The following FCRL6 variants were observed in gnomAD, a reference collection of about 807,000 sequenced individuals.
FCRL6 encodes the protein Fc receptor like 6.
FCRL6 carries 50 observed loss-of-function variants against 49.1 expected under a neutral mutation model. The observed-to-expected ratio is 1.02, with a 90% CI of 0.81 to 1.29. The LOEUF is 1.29. Among genes scored for constraint, FCRL6 ranks in the 50% most tolerant of loss-of-function variants. The pLI is 0.00. For missense variants in FCRL6, 571 were observed against 518.5 expected (o/e 1.10, Z -0.98); for synonymous variants, 213 against 199.6 (o/e 1.07, Z -0.57).
chr1:159,805,296 C>T (rs1662603519), intron 1 of FCRL6, among the ~76,000 whole-genome samples: 1 of 152,280 alleles, frequency 6.6e-6, no homozygotes, highest in South Asian at 2.1e-4. Flanking sequence ...AAAGATGATA[C>T]CATGTGACAG....
chr1:159,809,989 C>T (rs537673274), intron 5 of FCRL6, 105 bp from the exon 6 acceptor site: 21 of 1,392,024 alleles, frequency 1.5e-5, no homozygotes, highest in African/African-American at 4.3e-5. Context: ...CCAGGCCAGA[C>T]GGTTCCCCTA....
rs1463781812 is a variant in FCRL6, at chr1:159,816,226, G to A, written c.*565G>A. On this transcript the variant is annotated 3_prime_UTR_variant, in exon 10 of 10. Coordinates refer to ENST00000368106, the MANE Select transcript of FCRL6 (RefSeq NM_001004310.3). ...TGTACAGTACACTATACTTGATAATGATAATAAACAACTATGTTACTGGTT... is the reference window on the plus strand; with the variant it reads ...TGTACAGTACACTATACTTGATAATAATAATAAACAACTATGTTACTGGTT... 1 of 152,674 alleles carries A rather than the reference G, an allele frequency of 6.5e-6. No homozygotes were observed. The highest frequency in any genetic ancestry group is 1.5e-5 in the Non-Finnish European group (1 of 68,414). 9.5% of individuals were successfully genotyped at this position (152,674 alleles called of 1,614,324 possible).
intron 2 of FCRL6, 67 bp downstream of exon 2, chr1:159,806,683 C>G: frequency 6.6e-7 from 1 of 1,508,366 alleles, no homozygotes; most frequent in Non-Finnish European, 9.2e-7. Flanking sequence ...TGGATGGGAA[C>G]AGGACAGTGC....
intron 1 of FCRL6, among the ~76,000 whole-genome samples, chr1:159,806,304 G>A (rs1662671669): frequency 6.6e-6 from 1 of 152,220 alleles, no homozygotes; most frequent in African/African-American, 2.4e-5. Flanking sequence ...AAGAGTTCTA[G>A]GGAGTACGTC....
chr1:159,808,744 T>A (rs1377264094), intron 3 of FCRL6: 12 of 612,924 alleles, frequency 2.0e-5, no homozygotes, highest in East Asian at 5.5e-5. Flanking sequence ...GAAGGCCCCC[T>A]CTGCCTCTGA....
intron 8 of FCRL6, among the ~76,000 whole-genome samples, chr1:159,814,743 A>G (rs1323973322): frequency 6.6e-6 from 1 of 152,206 alleles, no homozygotes; most frequent in Non-Finnish European, 1.5e-5. Context: ...AGTCAAGAAG[A>G]CCATGGGCTC....
chr1:159,809,882 C>A (rs562875462), intron 5 of FCRL6, among the ~76,000 whole-genome samples, 199 bp downstream of exon 5: 1 of 152,252 alleles, frequency 6.6e-6, no homozygotes, highest in African/African-American at 2.4e-5. Flanking sequence ...GAGTGGGGAG[C>A]CTCACGGGGG....
rs769250464 is a variant in FCRL6, at chr1:159,809,082, C to G, written c.441C>G (p.Phe147Leu). ...TGAGGTCAGCCTTGAGGCTCCTTTT[C>G]TCCTTCCACAAGGACGGCCACACCT... ...HPLRSALRLL[F>L]SFHKDGHTLQ... Residue 147 changes from phenylalanine (F) to leucine (L), a missense_variant, in exon 4 of 10, where the codon TTC becomes TTG. By Grantham distance (22) the Phe-to-Leu change is conservative. Transcript: ENST00000368106. 1.2e-6 allele frequency: 2 copies of G among 1,614,114 alleles called. No homozygotes were observed. The highest frequency in any genetic ancestry group is 1.7e-6 in the Non-Finnish European group (2 of 1,179,992).
chr1:159,803,226 C>T (rs913719137), intron 1 of FCRL6, among the ~76,000 whole-genome samples: 1 of 152,130 alleles, frequency 6.6e-6, no homozygotes, highest in African/African-American at 2.4e-5. Flanking sequence ...CACTGGGCTC[C>T]CCCAGACCCA....
At chr1:159,814,050 G>T (rs1571114492) in intron 7 of FCRL6, among the ~76,000 whole-genome samples, 171 bp from the exon 8 acceptor site, 1 of 152,046 alleles carries the variant, frequency 6.6e-6, no homozygotes, top group African/African-American at 2.4e-5. Context: ...ATGTTAAGGG[G>T]GCCTGACTCC....
chr1:159,809,389 A>G lies in FCRL6; in HGVS notation c.605-13A>G. 2 of 1,578,214 alleles carry G rather than the reference A, an allele frequency of 1.3e-6. No homozygotes were observed. The highest frequency in any genetic ancestry group is 1.7e-6 in the Non-Finnish European group (2 of 1,160,076). Reference sequence around the variant, plus strand: ...GTGGTCAGGCTGAGCCTCCCACCCCATGTGTGTCCCAGCTCCTGTATCCCG... The same window carrying G: ...GTGGTCAGGCTGAGCCTCCCACCCCGTGTGTGTCCCAGCTCCTGTATCCCG... On this transcript the variant is annotated splice_polypyrimidine_tract_variant and intron_variant, in intron 4 of 9. Coordinates refer to ENST00000368106, the MANE Select transcript of FCRL6 (RefSeq NM_001004310.3).
chr1:159,809,243 A>G lies in FCRL6; in HGVS notation c.602A>G (p.Gln201Arg). ...KQSPQLEVRV[Q>R]APVSRPVLTL... ...AGCCCCCAGCTGGAGGTCAGAGTGC[A>G]GGGTAAGTGCGCGAGAGAGTGGAGA... Residue 201 changes from glutamine to arginine, a missense_variant and splice_region_variant, in exon 4 of 10, where the codon CAG becomes CGG. Transcript: ENST00000368106. The G allele has an allele frequency of 6.4e-7, 1 of 1,559,174 alleles. No individual in the cohort carries two copies. The highest frequency in any genetic ancestry group is 8.7e-7 in the Non-Finnish European group (1 of 1,155,542).
chr1:159,814,216 T>C lies in FCRL6; in HGVS notation c.1076-5T>C. The C allele has an allele frequency of 1.9e-6, 3 of 1,613,624 alleles. No homozygotes were observed. The highest frequency in any genetic ancestry group is 1.7e-6 in the Non-Finnish European group (2 of 1,179,600). On this transcript the variant is annotated splice_polypyrimidine_tract_variant and splice_region_variant and intron_variant, in intron 7 of 9. Transcript: ENST00000368106. ...ATCCTATTTAAGCCTCATTCCTTCTTCCAGTGCATCACCAGAAAGGGAAAG... is the reference window on the plus strand; with the variant it reads ...ATCCTATTTAAGCCTCATTCCTTCTCCCAGTGCATCACCAGAAAGGGAAAG...
At chr1:159,805,261 C>A (rs1557871248) in intron 1 of FCRL6, among the ~76,000 whole-genome samples, 6 of 152,192 alleles carry the variant, frequency 3.9e-5, no homozygotes, top group Admixed American at 3.9e-4. Context: ...AAGATTCCAC[C>A]TGTGTCCAAA....
intron 1 of FCRL6, 96 bp downstream of exon 1, chr1:159,802,551 A>G (rs1662407588): frequency 8.6e-7 from 1 of 1,166,958 alleles, no homozygotes; most frequent in African/African-American, 1.5e-5. Flanking sequence ...TCCCAATTCC[A>G]GTGGGTTTGT....
chr1:159,808,290 T>C lies in FCRL6; in HGVS notation c.165T>C (p.Asp55=), dbSNP rs375795262. The C allele has an allele frequency of 5.6e-6, 9 of 1,614,212 alleles. No individual in the cohort carries two copies. Among genetic ancestry groups the C allele is most frequent in the East Asian group, 2.2e-5 (1 of 44,884 alleles). The change falls in exon 3 of 10, where the codon GAT becomes GAC. Residue 55 remains aspartate (D), a synonymous_variant. Coordinates refer to ENST00000368106, the MANE Select transcript of FCRL6 (RefSeq NM_001004310.3). ...TGTCTCAGGTGAAGTTCTACAGAGA[T>C]GGAAAATTCCTTCATTTCTCTAAGG... The part of the protein sequence containing the change: ...TPLSQVKFYR[D]GKFLHFSKEN...
chr1:159,805,621 G>C (rs997510952), intron 1 of FCRL6, among the ~76,000 whole-genome samples: 1 of 152,136 alleles, frequency 6.6e-6, no homozygotes, highest in Non-Finnish European at 1.5e-5. Flanking sequence ...CCTCTTCCCA[G>C]GTCACCTGTT....
At chr1:159,812,275 G>A (rs115251911) in intron 6 of FCRL6, among the ~76,000 whole-genome samples, 1,569 of 152,326 alleles carry the variant, frequency 0.01, 18 homozygotes, top group Middle Eastern at 0.02. Flanking sequence ...AAAACAGCCA[G>A]ATCAATAGCC....
intron 1 of FCRL6, among the ~76,000 whole-genome samples, chr1:159,805,079 C>T (rs2101734024): frequency 6.6e-6 from 1 of 152,320 alleles, no homozygotes; most frequent in Non-Finnish European, 1.5e-5. Context: ...AAATTCATGA[C>T]TCAAGTCCAG....
Sources: allele counts gnomAD v4.1 joint callset (sites outside exome capture counted in the v4.1 genomes callset), GRCh38; gene constraint gnomAD v4.1.1; transcripts MANE v1.5; gene names NCBI Gene and HGNC (gene_info 2026-07-23, HGNC 2026-07-21).